The following HCN1 variants were observed in gnomAD, a reference collection of about 807,000 sequenced individuals.
HCN1 encodes the protein potassium/sodium hyperpolarization-activated cyclic nucleotide-gated channel 1.
Under a neutral mutation model 78.9 loss-of-function variants are expected in HCN1, and 13 were observed. That is an observed-to-expected ratio of 0.16 (90% CI 0.11 to 0.26). The LOEUF (loss-of-function observed/expected upper bound fraction) is 0.26, where lower values mean the gene tolerates loss of function less well. Among genes scored for constraint, HCN1 ranks in the 10% least tolerant of loss-of-function variants. The probability of loss-of-function intolerance (pLI) is 1.00; values close to 1 mark genes in which losing one functional copy is unlikely to be tolerated. For synonymous variants in HCN1, 552 were observed against 455.5 expected (o/e 1.21, Z -2.70); for missense variants, 810 against 1,154.3 (o/e 0.70, Z 4.32).
chr5:45,321,016 T>G (rs529081991), intron 5 of HCN1, among the ~76,000 whole-genome samples: 42 of 151,872 alleles, frequency 2.8e-4, no homozygotes, highest in Non-Finnish European at 5.7e-4. Flanking sequence ...TATTTGTTCT[T>G]GTCTACTGGG....
At position 45,261,786 on chromosome 5, in the gene HCN1, C is replaced by A. The variant is rs1744739482; in HGVS notation, c.*135G>T. 4 of 1,058,298 alleles carry A rather than the reference C, an allele frequency of 3.8e-6. No individual in the cohort carries two copies. The highest frequency in any genetic ancestry group is 5.8e-6 in the Non-Finnish European group (4 of 693,290). The allele number at this position is 1,058,298 out of a possible 1,614,324, so 65.6% of individuals were successfully genotyped here. On this transcript the variant is annotated 3_prime_UTR_variant, in exon 8 of 8. Coordinates refer to ENST00000303230, the MANE Select transcript of HCN1 (RefSeq NM_021072.4). Reference sequence around the variant, plus strand: ...TATGTATATATATTTTTACATTTCACGTGTAGGCCACAGCTGTCTAAAATA... The same window carrying A: ...TATGTATATATATTTTTACATTTCAAGTGTAGGCCACAGCTGTCTAAAATA...
At chr5:45,481,600 C>T (rs960520893) in intron 2 of HCN1, among the ~76,000 whole-genome samples, 5 of 152,014 alleles carry the variant, frequency 3.3e-5, no homozygotes, top group African/African-American at 1.2e-4. Flanking sequence ...GACATAGCAG[C>T]TGAAGCTACA....
At chr5:45,298,374 A>G (rs1289028083) in intron 6 of HCN1, among the ~76,000 whole-genome samples, 1 of 152,004 alleles carries the variant, frequency 6.6e-6, no homozygotes, top group East Asian at 1.9e-4. Flanking sequence ...ACCATTCTCC[A>G]ATTACAGAAT....
At chr5:45,472,571 AGAAGGAAG>A (rs547555800) in intron 2 of HCN1, among the ~76,000 whole-genome samples, 7 of 129,558 alleles carry the variant, frequency 5.4e-5, no homozygotes, top group East Asian at 2.6e-4. Context: ...AGGAAAGGAA[AGAAGGAAG>A]GAAGGAAGGA....
At chr5:45,589,335 T>A (rs983211139) in intron 2 of HCN1, among the ~76,000 whole-genome samples, 4 of 152,174 alleles carry the variant, frequency 2.6e-5, no homozygotes, top group African/African-American at 9.7e-5. Context: ...GAAAACTGGC[T>A]GTAAAAGGAG....
At chr5:45,267,465 A>T (rs954681798) in intron 6 of HCN1, among the ~76,000 whole-genome samples, 4 of 146,962 alleles carry the variant, frequency 2.7e-5, no homozygotes, top group Non-Finnish European at 6.0e-5. Flanking sequence ...TTTTGTTTTA[A>T]AAAAAAAAAA....
chr5:45,304,389 A>G (rs1745687424), intron 5 of HCN1, among the ~76,000 whole-genome samples: 1 of 152,058 alleles, frequency 6.6e-6, no homozygotes, highest in Admixed American at 6.6e-5. Flanking sequence ...ATCTAAAAGT[A>G]TAAATTCATC....
At chr5:45,606,561 T>C (rs965084235) in intron 2 of HCN1, among the ~76,000 whole-genome samples, 1 of 151,606 alleles carries the variant, frequency 6.6e-6, no homozygotes, top group Non-Finnish European at 1.5e-5. Flanking sequence ...CAAAGAACCC[T>C]CAATATCTCA....
rs879560671 is a variant in HCN1, at chr5:45,442,613, T to C, written c.1011+19233A>G. 5.7e-3 allele frequency among the ~76,000 whole-genome samples: 866 copies of C among 152,056 alleles called. 7 individuals carry two copies. The highest frequency in any genetic ancestry group is 8.1e-3 in the Non-Finnish European group (553 of 67,934). ...TGTAAGGTAGTTACCATATATAAAA[T>C]ATAATGGCATTTACAATAAAAAACA... On this transcript the variant is annotated intron_variant, in intron 3 of 7. Coordinates refer to ENST00000303230, the MANE Select transcript of HCN1 (RefSeq NM_021072.4).
At chr5:45,296,990 G>A (rs1255698498) in intron 6 of HCN1, among the ~76,000 whole-genome samples, 2 of 152,014 alleles carry the variant, frequency 1.3e-5, no homozygotes, top group Non-Finnish European at 1.5e-5. Context: ...ACCCAGTGGA[G>A]CTAGAAGAAT....
chr5:45,260,028 G>A lies in HCN1; in HGVS notation c.*1893C>T, dbSNP rs1744700532. ...GCAGTTAATTACTTCCACACCAGTT[G>A]GGATTTGTTTGAAATTAAACATAAC... is the stretch of plus-strand genomic sequence containing the variant. On this transcript the variant is annotated 3_prime_UTR_variant, in exon 8 of 8. Coordinates refer to ENST00000303230, the MANE Select transcript of HCN1 (RefSeq NM_021072.4). The A allele has an allele frequency of 6.6e-6, 1 of 152,472 alleles. No individual in the cohort carries two copies. The highest frequency in any genetic ancestry group is 1.9e-4 in the East Asian group (1 of 5,196). 9.4% of individuals were successfully genotyped at this position (152,472 alleles called of 1,614,324 possible).
intron 5 of HCN1, among the ~76,000 whole-genome samples, chr5:45,340,758 T>C (rs1430730718): frequency 6.6e-6 from 1 of 152,170 alleles, no homozygotes; most frequent in Non-Finnish European, 1.5e-5. Flanking sequence ...AATAAACTTG[T>C]AGAAACTTCT....
At chr5:45,665,698 A>G (rs1003672085) in intron 1 of HCN1, among the ~76,000 whole-genome samples, 1 of 152,126 alleles carries the variant, frequency 6.6e-6, no homozygotes, top group African/African-American at 2.4e-5. Flanking sequence ...TTTGCAGATT[A>G]CTAACTCAAA....
At chr5:45,656,232 C>T (rs1217653987) in intron 1 of HCN1, among the ~76,000 whole-genome samples, 4 of 152,026 alleles carry the variant, frequency 2.6e-5, no homozygotes, top group Non-Finnish European at 5.9e-5. Flanking sequence ...TAAGGAGTTC[C>T]GGGGGTTGCA....
chr5:45,313,173 A>G (rs1038815281), intron 5 of HCN1, among the ~76,000 whole-genome samples: 170 of 152,274 alleles, frequency 1.1e-3, no homozygotes, highest in African/African-American at 3.9e-3. Context: ...TGAAGCTTCC[A>G]GAGGAATGAT....
At chr5:45,590,994 G>A (rs1056445404) in intron 2 of HCN1, among the ~76,000 whole-genome samples, 1 of 151,926 alleles carries the variant, frequency 6.6e-6, no homozygotes, top group Non-Finnish European at 1.5e-5. Flanking sequence ...ACCATGACTG[G>A]CTAATTTTTT....
At chr5:45,660,895 C>G (rs1156542123) in intron 1 of HCN1, among the ~76,000 whole-genome samples, 1 of 106,154 alleles carries the variant, frequency 9.4e-6, no homozygotes, top group African/African-American at 3.8e-5. Context: ...GACAGATCAA[C>G]GAGACAGAAA....
chr5:45,313,241 T>C (rs1489409122), intron 5 of HCN1, among the ~76,000 whole-genome samples: 1 of 152,162 alleles, frequency 6.6e-6, no homozygotes, highest in Non-Finnish European at 1.5e-5. Context: ...TCATTGCTGA[T>C]ACCCAGGCAA....
At chr5:45,564,867 G>T (rs1195038097) in intron 2 of HCN1, among the ~76,000 whole-genome samples, 1 of 152,140 alleles carries the variant, frequency 6.6e-6, no homozygotes, top group Non-Finnish European at 1.5e-5. Context: ...CAGAAAAAAA[G>T]CATAAAGGGA....
Sources: gnomAD v4.1 joint callset for allele counts (sites outside exome capture counted in the v4.1 genomes callset) on GRCh38, gnomAD v4.1.1 for gene constraint, MANE v1.5 for transcripts, NCBI Gene and HGNC (gene_info 2026-07-23, HGNC 2026-07-21) for gene names.